FAM178B: variants seen among roughly 807,000 people sequenced by gnomAD.
FAM178B encodes protein FAM178B.
In FAM178B, 82 loss-of-function variants were observed where a neutral mutation model predicts 91.7. That is an observed-to-expected ratio of 0.89 (90% CI 0.75 to 1.07). The LOEUF (loss-of-function observed/expected upper bound fraction) is 1.07. Ranked by LOEUF, FAM178B falls within the 50% of genes least tolerant of loss-of-function variation. FAM178B has a pLI of 0.00. For missense variants in FAM178B, 769 were observed against 846.7 expected (o/e 0.91, Z 1.14); for synonymous variants, 368 against 359.4 (o/e 1.02, Z -0.27).
At chr2:96,939,765 G>A (rs2081695470) in intron 8 of FAM178B, among the ~76,000 whole-genome samples, 1 of 152,082 alleles carries the variant, frequency 6.6e-6, no homozygotes, top group Non-Finnish European at 1.5e-5. Flanking sequence ...AGGCTTTCCA[G>A]CCCCCAATTA....
At chr2:96,976,077 T>C (rs1390507228) in intron 1 of FAM178B, among the ~76,000 whole-genome samples, 1 of 151,840 alleles carries the variant, frequency 6.6e-6, no homozygotes, top group African/African-American at 2.4e-5. Flanking sequence ...ATATGGTATA[T>C]GATAGGCCAT....
chr2:96,947,967 T>C (rs996323109), intron 7 of FAM178B, 65 bp from the exon 8 acceptor site: 5 of 799,056 alleles, frequency 6.3e-6, no homozygotes, highest in South Asian at 1.5e-5. Context: ...GAAGCAATAG[T>C]AGCAAACTTC....
chr2:96,968,882 C>A (rs1414039968), intron 4 of FAM178B, among the ~76,000 whole-genome samples: 1 of 152,220 alleles, frequency 6.6e-6, no homozygotes, highest in African/African-American at 2.4e-5. Context: ...CTCATCTTGG[C>A]TGCATCTTCT....
intron 14 of FAM178B, among the ~76,000 whole-genome samples, chr2:96,880,318 C>A (rs1285202754): frequency 6.6e-6 from 1 of 152,048 alleles, no homozygotes; most frequent in African/African-American, 2.4e-5. Flanking sequence ...AAGCCACAGA[C>A]CCTGAGGGCG....
At chr2:96,896,661 G>C (rs1270041033) in intron 13 of FAM178B, among the ~76,000 whole-genome samples, 1 of 152,152 alleles carries the variant, frequency 6.6e-6, no homozygotes, top group Non-Finnish European at 1.5e-5. Context: ...TGTTGCTCCT[G>C]GGTGCAAATC....
At chr2:96,898,058 G>A (rs755435282) in intron 13 of FAM178B, 3 of 985,688 alleles carry the variant, frequency 3.0e-6, no homozygotes, top group Non-Finnish European at 3.6e-6. Context: ...CTGCCCAGCA[G>A]TGCCCTGCAA....
chr2:96,950,531 T>C lies in FAM178B; in HGVS notation c.993+848A>G, dbSNP rs529758181. Among the ~76,000 whole-genome samples the C allele has an allele frequency of 2.0e-5, 3 of 152,288 alleles. No homozygotes were observed. The South Asian group carries it at 6.2e-4, about 32-fold the overall frequency. ...CCACATGATGGCTCTGATTTACAGC[T>C]GGGGTCCAGGCTCCAACTGGCAGGA... On this transcript the variant is annotated intron_variant, in intron 7 of 16. Transcript: ENST00000490605.
chr2:96,967,234 C>CAA (rs35029621), intron 5 of FAM178B, among the ~76,000 whole-genome samples: 122,544 of 152,014 alleles, frequency 0.81, 50,739 homozygotes, highest in Non-Finnish European at 0.88. Flanking sequence ...GTTATTTTCC[C>CAA]GAGATCTGTT....
chr2:96,905,556 C>CAA lies in FAM178B; in HGVS notation c.1563-2851_1563-2850dup, dbSNP rs533970081. 4.3e-3 allele frequency among the ~76,000 whole-genome samples: 388 copies of CAA among 90,646 alleles called. 5 individuals carry two copies. Among genetic ancestry groups the CAA allele is most frequent in the South Asian group, 4.5e-3 (13 of 2,910 alleles). The allele number at this position is 90,646 out of a possible 152,430, so 59.5% of individuals were successfully genotyped here. ...TGGGCGACAGAGCGAGACTCCATCT[C>CAA]AAAAAAAAAAAAAGAAAAAGAAAAA... On this transcript the variant is annotated intron_variant, in intron 12 of 16. Transcript: ENST00000490605.
intron 12 of FAM178B, among the ~76,000 whole-genome samples, chr2:96,909,316 C>T (rs898321761): frequency 5.9e-5 from 9 of 152,152 alleles, no homozygotes; most frequent in African/African-American, 2.2e-4. Flanking sequence ...ACCGGACTAA[C>T]CAAAGGAAAT....
At chr2:96,934,147 G>A (rs1045626311) in intron 8 of FAM178B, among the ~76,000 whole-genome samples, 2 of 152,222 alleles carry the variant, frequency 1.3e-5, no homozygotes, top group African/African-American at 4.8e-5. Flanking sequence ...CTGCTCTCGG[G>A]TTGTTGGTGT....
chr2:96,893,348 C>G (rs1364409959), intron 14 of FAM178B, among the ~76,000 whole-genome samples: 1 of 152,184 alleles, frequency 6.6e-6, no homozygotes, highest in Non-Finnish European at 1.5e-5. Context: ...ACTCCACAAC[C>G]TGCAGGCCCT....
At chr2:96,929,941 C>T (rs1024686795) in intron 8 of FAM178B, among the ~76,000 whole-genome samples, 4 of 152,300 alleles carry the variant, frequency 2.6e-5, no homozygotes, top group African/African-American at 9.6e-5. Flanking sequence ...CGGCCGGGCA[C>T]AGTGGCCCAC....
At chr2:96,923,610 T>G (rs373009285) in intron 9 of FAM178B, 27 bp from the exon 10 acceptor site, 10 of 1,538,760 alleles carry the variant, frequency 6.5e-6, no homozygotes, top group Non-Finnish European at 8.8e-6. Context: ...ACAGTGACGA[T>G]GGGAAACCCA....
chr2:96,921,161 G>C lies in FAM178B; in HGVS notation c.1562+4C>G, dbSNP rs1015721626. ...GGAGGAGGCAGCGGGGGAGCAGCACGCACCTGCTCCGGGAGGTCATGTCTG... is the reference window on the plus strand; with the variant it reads ...GGAGGAGGCAGCGGGGGAGCAGCACCCACCTGCTCCGGGAGGTCATGTCTG... On this transcript the variant is annotated splice_donor_region_variant and intron_variant, in intron 12 of 16. Transcript: ENST00000490605. 9.0e-6 allele frequency: 14 copies of C among 1,547,944 alleles called. No homozygotes were observed. The highest frequency in any genetic ancestry group is 1.1e-5 in the Non-Finnish European group (13 of 1,143,836).
chr2:96,977,158 G>A (rs2082299228), intron 1 of FAM178B, among the ~76,000 whole-genome samples: 1 of 133,812 alleles, frequency 7.5e-6, no homozygotes, highest in Non-Finnish European at 1.5e-5. Flanking sequence ...TCACGCCACT[G>A]CACTCCAGCC....
At chr2:96,924,843 G>A (rs1043920308) in intron 9 of FAM178B, among the ~76,000 whole-genome samples, 3 of 152,154 alleles carry the variant, frequency 2.0e-5, no homozygotes, top group Non-Finnish European at 1.5e-5. Flanking sequence ...CCCTGGCACA[G>A]GGGAGGAAGA....
At chr2:96,937,342 C>T (rs2153372312) in intron 8 of FAM178B, among the ~76,000 whole-genome samples, 1 of 152,272 alleles carries the variant, frequency 6.6e-6, no homozygotes, top group East Asian at 1.9e-4. Context: ...AATACACAGC[C>T]AAGTTTGGGC....
intron 5 of FAM178B, among the ~76,000 whole-genome samples, chr2:96,962,105 C>T (rs1464107542): frequency 1.3e-5 from 2 of 152,100 alleles, no homozygotes; most frequent in Non-Finnish European, 1.5e-5. Flanking sequence ...AGTTCAAGAC[C>T]AGCCTGGCCA....
Sources: gnomAD v4.1 joint callset for allele counts (sites outside exome capture counted in the v4.1 genomes callset) on GRCh38, gnomAD v4.1.1 for gene constraint, MANE v1.5 for transcripts, NCBI Gene and HGNC (gene_info 2026-07-23, HGNC 2026-07-21) for gene names.